The following C1orf21 variants were observed in gnomAD, a reference collection of about 807,000 sequenced individuals.
C1orf21 encodes uncharacterized protein C1orf21.
In C1orf21, 3 loss-of-function variants were observed where a neutral mutation model predicts 18.7. The observed-to-expected ratio is 0.16, with a 90% CI of 0.07 to 0.42. The LOEUF is 0.42. Ranked by LOEUF, C1orf21 falls within the 10% of genes least tolerant of loss-of-function variation. The pLI is 0.99. For missense variants in C1orf21, 104 were observed against 143.6 expected (o/e 0.72, Z 1.41); for synonymous variants, 41 against 46.4 (o/e 0.88, Z 0.47).
At chr1:184,576,372 A>T (rs2101992304) in intron 3 of C1orf21, among the ~76,000 whole-genome samples, 1 of 152,294 alleles carries the variant, frequency 6.6e-6, no homozygotes, top group Middle Eastern at 3.4e-3. Flanking sequence ...TGATCTGCCC[A>T]CCTGGGCCTT....
chr1:184,410,357 A>G (rs1033446584), intron 1 of C1orf21, among the ~76,000 whole-genome samples: 2 of 151,530 alleles, frequency 1.3e-5, no homozygotes, highest in Non-Finnish European at 2.9e-5. Context: ...AATGATTTTC[A>G]CCAAATTCAC....
At chr1:184,408,180 TAA>T (rs1415742860) in intron 1 of C1orf21, among the ~76,000 whole-genome samples, 1 of 152,244 alleles carries the variant, frequency 6.6e-6, no homozygotes, top group East Asian at 1.9e-4. Context: ...AAAAGTGTCC[TAA>T]ATAGAAATTG....
In C1orf21 at chr1:184,573,154, C is replaced by T. The variant is rs536961727; in HGVS notation, c.190-17585C>T. Reference sequence around the variant, plus strand: ...ATGTCATTGTAAACAGCCTATTAACCCTTTTCCATTTACCCTGAGAATACT... The same window carrying T: ...ATGTCATTGTAAACAGCCTATTAACTCTTTTCCATTTACCCTGAGAATACT... On this transcript the variant is annotated intron_variant, in intron 3 of 5. Coordinates refer to ENST00000235307, the MANE Select transcript of C1orf21 (RefSeq NM_030806.4). Among the ~76,000 whole-genome samples, 4 of 152,110 alleles carry T rather than the reference C, an allele frequency of 2.6e-5. No homozygotes were observed. The South Asian group carries it at 8.3e-4, about 32-fold the overall frequency.
intron 3 of C1orf21, among the ~76,000 whole-genome samples, chr1:184,585,527 C>T (rs1006456826): frequency 1.3e-5 from 2 of 152,034 alleles, no homozygotes; most frequent in African/African-American, 2.4e-5. Flanking sequence ...TAGGTAAATG[C>T]GTGTCATAGG....
chr1:184,402,278 A>G (rs1656169456), intron 1 of C1orf21, among the ~76,000 whole-genome samples: 1 of 152,196 alleles, frequency 6.6e-6, no homozygotes, highest in African/African-American at 2.4e-5. Flanking sequence ...TTTATCATGA[A>G]CATTTACATG....
chr1:184,537,700 G>C (rs1658580472), intron 3 of C1orf21, among the ~76,000 whole-genome samples: 1 of 151,954 alleles, frequency 6.6e-6, no homozygotes, highest in South Asian at 2.1e-4. Context: ...GCCCAGGCTG[G>C]AGTGCAATGG....
chr1:184,471,594 C>T (rs16823238), intron 1 of C1orf21, among the ~76,000 whole-genome samples: 25,190 of 151,906 alleles, frequency 0.17, 2,413 homozygotes, highest in African/African-American at 0.26. Context: ...GACCAGAGCT[C>T]GGGCTTCTCA....
chr1:184,422,148 A>T (rs1165187548), intron 1 of C1orf21, among the ~76,000 whole-genome samples: 1 of 152,196 alleles, frequency 6.6e-6, no homozygotes, highest in Non-Finnish European at 1.5e-5. Flanking sequence ...TATCAGGCAG[A>T]AAAAGGAATA....
At chr1:184,482,541 C>G (rs924206624) in intron 2 of C1orf21, among the ~76,000 whole-genome samples, 1 of 152,180 alleles carries the variant, frequency 6.6e-6, no homozygotes, top group African/African-American at 2.4e-5. Context: ...TATATTTCAA[C>G]CTGGACAATT....
chr1:184,527,651 G>T (rs951513352), intron 3 of C1orf21, among the ~76,000 whole-genome samples: 1 of 152,124 alleles, frequency 6.6e-6, no homozygotes, highest in African/African-American at 2.4e-5. Flanking sequence ...AACAAAATGG[G>T]ACACGCTGTC....
At chr1:184,524,470 G>A (rs1383856979) in intron 3 of C1orf21, among the ~76,000 whole-genome samples, 1 of 152,016 alleles carries the variant, frequency 6.6e-6, no homozygotes, top group East Asian at 1.9e-4. Flanking sequence ...AGCCAAGATT[G>A]TACCCCACAA....
At chr1:184,532,616 A>G (rs952723619) in intron 3 of C1orf21, among the ~76,000 whole-genome samples, 1 of 152,176 alleles carries the variant, frequency 6.6e-6, no homozygotes, top group Non-Finnish European at 1.5e-5. Context: ...GCCTGATGGC[A>G]TACAGTTATA....
intron 2 of C1orf21, among the ~76,000 whole-genome samples, chr1:184,479,694 A>C (rs1023044384): frequency 7.5e-6 from 1 of 132,520 alleles, no homozygotes; most frequent in African/African-American, 2.9e-5. Flanking sequence ...ATCAGGGTTC[A>C]CTGCTGCCTT....
rs887216165 is a variant in C1orf21 at position 184,623,810 on chromosome 1, C to T, written c.*4254C>T. On this transcript the variant is annotated 3_prime_UTR_variant, in exon 6 of 6. Transcript: ENST00000235307. ...ATGTCTCTAGAAAGGGGTCAAAAAA[C>T]TATGGTAAAGATGAGGCTTATGAGT... 1.3e-5 allele frequency: 2 copies of T among 152,520 alleles called. No individual in the cohort carries two copies. Among genetic ancestry groups the T allele is most frequent in the Non-Finnish European group, 2.9e-5 (2 of 68,020 alleles). 9.4% of individuals were successfully genotyped at this position (152,520 alleles called of 1,614,324 possible). A position where few individuals can be genotyped will look rare whatever the true frequency, so the allele number is the denominator to read the frequency against.
At chr1:184,573,175 A>G (rs1659138796) in intron 3 of C1orf21, among the ~76,000 whole-genome samples, 1 of 152,194 alleles carries the variant, frequency 6.6e-6, no homozygotes, top group Non-Finnish European at 1.5e-5. Context: ...TACCCTGAGA[A>G]TACTCACTGA....
intron 3 of C1orf21, among the ~76,000 whole-genome samples, chr1:184,589,262 A>T (rs1283011052): frequency 1.3e-5 from 2 of 152,230 alleles, no homozygotes; most frequent in Non-Finnish European, 2.9e-5. Context: ...AAAAGGACCA[A>T]CTTGGAAGGA....
chr1:184,495,296 T>C (rs1181985808), intron 2 of C1orf21, among the ~76,000 whole-genome samples: 2 of 152,218 alleles, frequency 1.3e-5, no homozygotes, highest in African/African-American at 2.4e-5. Flanking sequence ...CTCCAAGAGC[T>C]GCTCTGAGCT....
intron 3 of C1orf21, among the ~76,000 whole-genome samples, chr1:184,511,385 A>G (rs1658141382): frequency 6.6e-6 from 1 of 152,174 alleles, no homozygotes; most frequent in South Asian, 2.1e-4. Context: ...TGTGACCTAA[A>G]TTACCACAAT....
At chr1:184,493,971 A>G (rs1657853403) in intron 2 of C1orf21, among the ~76,000 whole-genome samples, 1 of 152,246 alleles carries the variant, frequency 6.6e-6, no homozygotes, top group Admixed American at 6.5e-5. Context: ...GGATTTTACT[A>G]AGAGATATAA....
Sources: gnomAD v4.1 joint callset for allele counts (sites outside exome capture counted in the v4.1 genomes callset) on GRCh38, gnomAD v4.1.1 for gene constraint, MANE v1.5 for transcripts, NCBI Gene and HGNC (gene_info 2026-07-23, HGNC 2026-07-21) for gene names.